Variants in LINGO2 observed in about 807,000 individuals in gnomAD.
The protein encoded by LINGO2 is leucine-rich repeat and immunoglobulin-like domain-containing nogo receptor-interacting protein 2.
LINGO2 carries 14 observed loss-of-function variants against 30.6 expected under a neutral mutation model. The observed-to-expected ratio is 0.46, with a 90% CI of 0.30 to 0.72. The LOEUF is 0.72. Ranked by LOEUF, LINGO2 falls within the 30% of genes least tolerant of loss-of-function variation. LINGO2 has a pLI of 0.07. For missense variants in LINGO2, 729 were observed against 751.7 expected, an observed-to-expected ratio of 0.97 and a Z score of 0.35; for synonymous variants, 317 against 288.5, an observed-to-expected ratio of 1.10 and a Z score of -1.00.
the LINGO2 span, among the ~76,000 whole-genome samples, chr9:28,923,440 A>C: frequency 6.6e-6 from 1 of 152,112 alleles, no homozygotes; most frequent in Non-Finnish European, 1.5e-5. Context: ...TTCTGTTTAG[A>C]AGCTTTTAGA....
the LINGO2 span, among the ~76,000 whole-genome samples, chr9:29,014,783 G>A: frequency 6.6e-6 from 1 of 152,158 alleles, no homozygotes; most frequent in Admixed American, 6.6e-5. Context: ...GACAGAAGGA[G>A]GGTGCAGGCC....
At chr9:29,088,522 T>C in the LINGO2 span, among the ~76,000 whole-genome samples, 324 of 152,302 alleles carry the variant, frequency 2.1e-3, 1 homozygote, top group African/African-American at 7.0e-3. Flanking sequence ...ATCTCTTCCA[T>C]GCCCAGTGAT....
chr9:29,061,310 C>T, the LINGO2 span, among the ~76,000 whole-genome samples: 1 of 151,792 alleles, frequency 6.6e-6, no homozygotes, highest in Non-Finnish European at 1.5e-5. Context: ...TATCAAAATC[C>T]CAACGTTTTC....
At chr9:29,162,815 A>G in the LINGO2 span, among the ~76,000 whole-genome samples, 6 of 152,176 alleles carry the variant, frequency 3.9e-5, no homozygotes, top group African/African-American at 9.6e-5. Flanking sequence ...GGAGAAAAAA[A>G]TACTCCTACT....
At chr9:28,858,831 T>C in the LINGO2 span, among the ~76,000 whole-genome samples, 1 of 152,098 alleles carries the variant, frequency 6.6e-6, no homozygotes, top group Non-Finnish European at 1.5e-5. Flanking sequence ...GGGAAGGTTA[T>C]GATTTAGATT....
At chr9:28,504,601 T>C (rs1820027186) in intron 1 of LINGO2, among the ~76,000 whole-genome samples, 1 of 151,774 alleles carries the variant, frequency 6.6e-6, no homozygotes, top group South Asian at 2.1e-4. Flanking sequence ...TTTTTTTTCA[T>C]TACATTTTAA....
chr9:28,107,682 T>C (rs887085246), intron 4 of LINGO2, among the ~76,000 whole-genome samples: 2 of 152,086 alleles, frequency 1.3e-5, no homozygotes, highest in Admixed American at 6.6e-5. Context: ...TCAAGCAACA[T>C]AGAGGACAAA....
intron 1 of LINGO2, among the ~76,000 whole-genome samples, chr9:28,664,079 C>T (rs941077691): frequency 3.3e-5 from 5 of 151,984 alleles, no homozygotes; most frequent in African/African-American, 1.2e-4. Context: ...ATATTGTGTC[C>T]TGCTTTATTC....
intron 3 of LINGO2, among the ~76,000 whole-genome samples, chr9:28,348,872 C>A (rs1819715543): frequency 2.0e-5 from 3 of 151,582 alleles, no homozygotes; most frequent in African/African-American, 7.3e-5. Flanking sequence ...CTGGGAGGCA[C>A]CCCCCACCAG....
At chr9:27,993,774 C>T (rs1342402333) in intron 5 of LINGO2, among the ~76,000 whole-genome samples, 1 of 151,878 alleles carries the variant, frequency 6.6e-6, no homozygotes, top group Non-Finnish European at 1.5e-5. Flanking sequence ...CCCCTAGTAC[C>T]TAGTAAATGG....
chr9:28,628,824 T>C (rs1157507936), intron 1 of LINGO2, among the ~76,000 whole-genome samples: 1 of 152,076 alleles, frequency 6.6e-6, no homozygotes, highest in South Asian at 2.1e-4. Context: ...AATGTAATGA[T>C]TTTGTACTAA....
At chr9:28,622,841 A>G (rs944620574) in intron 1 of LINGO2, among the ~76,000 whole-genome samples, 22 of 151,686 alleles carry the variant, frequency 1.5e-4, no homozygotes, top group Middle Eastern at 6.8e-3. Context: ...CCACATCCTC[A>G]TCAGCATTGA....
chr9:29,033,211 C>G, the LINGO2 span, among the ~76,000 whole-genome samples: 4 of 151,922 alleles, frequency 2.6e-5, no homozygotes, highest in Non-Finnish European at 5.9e-5. Context: ...CCATGATGCA[C>G]TTCCAAAGTT....
chr9:28,062,254 T>C (rs548392876), intron 4 of LINGO2, among the ~76,000 whole-genome samples: 75 of 152,178 alleles, frequency 4.9e-4, no homozygotes, highest in African/African-American at 1.7e-3. Context: ...GACTACCTTC[T>C]TTTTGGAAGT....
chr9:28,414,195 G>C (rs1350316224), intron 2 of LINGO2, among the ~76,000 whole-genome samples: 1 of 151,900 alleles, frequency 6.6e-6, no homozygotes, highest in Non-Finnish European at 1.5e-5. Flanking sequence ...AACTTTACTT[G>C]TTACTGTTTT....
chr9:28,766,455 A>AG, the LINGO2 span, among the ~76,000 whole-genome samples: 2 of 151,628 alleles, frequency 1.3e-5, no homozygotes, highest in African/African-American at 2.4e-5. Context: ...AAGAAAAAAA[A>AG]AAACCCTTGT....
intron 4 of LINGO2, among the ~76,000 whole-genome samples, chr9:28,086,663 A>AT (rs932155376): frequency 3.3e-5 from 5 of 151,940 alleles, no homozygotes; most frequent in African/African-American, 1.2e-4. Flanking sequence ...TTTTTAAAGA[A>AT]AAAAAAACAT....
chr9:28,384,825 A>AT (rs922302374), intron 2 of LINGO2, among the ~76,000 whole-genome samples: 7 of 115,566 alleles, frequency 6.1e-5, no homozygotes, highest in Non-Finnish European at 1.5e-4. Flanking sequence ...GCTTTGTGTG[A>AT]TAAAAAAAAA....
At chr9:28,218,981 T>C (rs1335159432) in intron 4 of LINGO2, among the ~76,000 whole-genome samples, 1 of 152,156 alleles carries the variant, frequency 6.6e-6, no homozygotes, top group Non-Finnish European at 1.5e-5. Context: ...CTGAAACTTG[T>C]CTTCACTAGT....
Sources: allele counts gnomAD v4.1 joint callset (sites outside exome capture counted in the v4.1 genomes callset), GRCh38; gene constraint gnomAD v4.1.1; transcripts MANE v1.5; gene names NCBI Gene and HGNC (gene_info 2026-07-23, HGNC 2026-07-21).